Variants in CAD observed in about 807,000 individuals in gnomAD.
The protein encoded by CAD is multifunctional protein CAD.
Under a neutral mutation model 237.2 loss-of-function variants are expected in CAD, and 81 were observed. That is an observed-to-expected ratio of 0.34 (90% CI 0.29 to 0.41). The LOEUF is 0.41. Among genes scored for constraint, CAD ranks in the 10% least tolerant of loss-of-function variants. The pLI is 1.00. For missense variants in CAD, 2,181 were observed against 2,951.7 expected, an observed-to-expected ratio of 0.74 and a Z score of 6.05; for synonymous variants, 1,196 against 1,162.8, an observed-to-expected ratio of 1.03 and a Z score of -0.58.
At position 27,242,152 on chromosome 2, in the gene CAD, G is replaced by A; in HGVS notation, c.6096+29G>A. The A allele has an allele frequency of 6.2e-7, 1 of 1,607,716 alleles. No individual in the cohort carries two copies. The highest frequency in any genetic ancestry group is 8.5e-7 in the Non-Finnish European group (1 of 1,176,634). ...AGGCCAGCCTGGGTACTGAGATGGG[G>A]TTAAGAAGGCTGGACCCAGGGGCAT... On this transcript the variant is annotated intron_variant, in intron 39 of 43. Transcript: ENST00000264705. This position sits in a 1 kb window ranked among gnomAD's most constrained non-coding sequence, Gnocchi z 6.4.
At chr2:27,234,744 CCA>C in intron 23 of CAD, 59 bp downstream of exon 23, 1 of 1,506,704 alleles carries the variant, frequency 6.6e-7, no homozygotes, top group Non-Finnish European at 9.1e-7. Flanking sequence ...AGTTCACTCA[CCA>C]CACAGAGTTG....
rs1036585323 is a variant in CAD, at chr2:27,238,511, T to C, written c.4941T>C (p.His1647=). 1 of 1,613,522 alleles carries C rather than the reference T, an allele frequency of 6.2e-7. No homozygotes were observed. Among genetic ancestry groups the C allele is most frequent in the Admixed American group, 1.7e-5 (1 of 59,892 alleles). The change falls in exon 31 of 44, where the codon CAT becomes CAC. Residue 1647 remains histidine, a synonymous_variant. Transcript: ENST00000264705. ...CTCCCCACCACCTGTTCCTAAGCCATGATGACCTGGAGCGCCTGGGGCCTG... is the reference window on the plus strand; with the variant it reads ...CTCCCCACCACCTGTTCCTAAGCCACGATGACCTGGAGCGCCTGGGGCCTG... The part of the protein sequence containing the change: ...EVAPHHLFLS[H]DDLERLGPGK...
intron 6 of CAD, 128 bp from the exon 7 acceptor site, chr2:27,223,430 CAAAAA>C (rs71834349): frequency 9.6e-6 from 6 of 622,808 alleles, no homozygotes; most frequent in African/African-American, 2.3e-5. Context: ...GACTCCGTCT[CAAAAA>C]AAAAAAAAAA....
rs747514563 is a variant in CAD at position 27,236,463 on chromosome 2, G to A, written c.4254G>A (p.Leu1418=). 12 of 1,613,958 alleles carry A rather than the reference G, an allele frequency of 7.4e-6. No individual in the cohort carries two copies. The highest frequency in any genetic ancestry group is 1.0e-5 in the Non-Finnish European group (12 of 1,180,042). The part of the protein sequence containing the change: ...FVTKGYRTRR[L]AADFSVPLII... ...CCAAGGGCTACCGCACCCGACGCTT[G>A]GCCGCTGACTTCTCCGTGCCCCTAA... is the stretch of plus-strand genomic sequence containing the variant. The change falls in exon 26 of 44, where the codon TTG becomes TTA. Residue 1418 remains leucine (L), a synonymous_variant. Coordinates refer to ENST00000264705, the MANE Select transcript of CAD (RefSeq NM_004341.5). The surrounding 1 kb of genome is among the most constrained non-coding windows in gnomAD (Gnocchi z 4.1).
chr2:27,225,463 T>G (rs1675398429), intron 11 of CAD, among the ~76,000 whole-genome samples: 1 of 152,074 alleles, frequency 6.6e-6, no homozygotes, highest in Non-Finnish European at 1.5e-5. Context: ...TGCGCCACCA[T>G]GCCCAGCTAA....
At position 27,217,935 on chromosome 2, in the gene CAD, A is replaced by G. The variant is rs202038323; in HGVS notation, c.141A>G (p.Ala47=). 46 of 1,613,420 alleles carry G rather than the reference A, an allele frequency of 2.9e-5. No homozygotes were observed. The Admixed American group carries it at 5.8e-4, about 20-fold the overall frequency. ...CCCTCACTGATCCCTCCTACAAGGC[A>G]CAGATCTTAGTGCTCACCTATCCTC... ...PEALTDPSYK[A]QILVLTYPLI... Residue 47 remains alanine, a synonymous_variant, in exon 2 of 44, where the codon GCA becomes GCG. Coordinates refer to ENST00000264705, the MANE Select transcript of CAD (RefSeq NM_004341.5).
In CAD at chr2:27,233,947, T is replaced by C; in HGVS notation, c.3400-61T>C. The stretch of plus-strand genomic sequence containing the variant: ...TGGGGCTCGTTAAAGGAAGAGACAA[T>C]CCTAGAGTAAGTGAGAGAAGAAAGT... On this transcript the variant is annotated intron_variant, in intron 21 of 43. Transcript: ENST00000264705. This position sits in a 1 kb window ranked among gnomAD's most constrained non-coding sequence, Gnocchi z 6.3. The C allele has an allele frequency of 6.4e-7, 1 of 1,561,214 alleles. No homozygotes were observed. Among genetic ancestry groups the C allele is most frequent in the Non-Finnish European group, 8.8e-7 (1 of 1,138,826 alleles).
At chr2:27,226,427 A>C in intron 13 of CAD, 98 bp from the exon 14 acceptor site, 1 of 1,549,254 alleles carries the variant, frequency 6.5e-7, no homozygotes, top group Non-Finnish European at 8.8e-7. Flanking sequence ...CTGGAGTACA[A>C]GCTGGAATCT....
At position 27,238,527 on chromosome 2, in the gene CAD, C is replaced by G; in HGVS notation, c.4957C>G (p.Leu1653Val). The change falls in exon 31 of 44, where the codon CTG (leucine) becomes GTG (valine). Residue 1653 changes from leucine to valine, a missense_variant. Physicochemically the swap from Leu to Val is conservative, Grantham distance 32. This residue lies in a region of CAD where 478 missense variants were observed against 515.0 expected (regional missense o/e 0.93). Coordinates refer to ENST00000264705, the MANE Select transcript of CAD (RefSeq NM_004341.5). ...LFLSHDDLERLGPGKGEVRPE... is the reference protein window; with the variant it reads ...LFLSHDDLERVGPGKGEVRPE... ...CCTAAGCCATGATGACCTGGAGCGC[C>G]TGGGGCCTGGGAAGGGGGAGGTCCG... 6.2e-7 allele frequency: 1 copy of G among 1,614,028 alleles called. No homozygotes were observed. Among genetic ancestry groups the G allele is most frequent in the Non-Finnish European group, 8.5e-7 (1 of 1,179,958 alleles).
Position 27,232,959 on chromosome 2 carries a change from G to A in CAD, c.2893-83G>A. 6 of 964,754 alleles carry A rather than the reference G, an allele frequency of 6.2e-6. No homozygotes were observed. The South Asian group carries it at 6.6e-5, about 11-fold the overall frequency. 59.8% of individuals were successfully genotyped at this position (964,754 alleles called of 1,614,324 possible). Reference sequence around the variant, plus strand: ...CTGTGCTGGCAGTCTCTGAAGTAGGGGCTTTGGCTTAGTTTCTCCACGATT... The same window carrying A: ...CTGTGCTGGCAGTCTCTGAAGTAGGAGCTTTGGCTTAGTTTCTCCACGATT... On this transcript the variant is annotated intron_variant, in intron 18 of 43. Transcript: ENST00000264705. The surrounding 1 kb of genome is among the most constrained non-coding windows in gnomAD (Gnocchi z 4.1).
chr2:27,234,271 T>C (rs749664092), intron 22 of CAD, 45 bp downstream of exon 22: 8 of 1,542,878 alleles, frequency 5.2e-6, no homozygotes, highest in African/African-American at 1.4e-5. Context: ...AGCTCTTGCA[T>C]GTTCTGTGCT....
chr2:27,226,375 A>G, intron 13 of CAD, 56 bp downstream of exon 13: 1 of 1,583,940 alleles, frequency 6.3e-7, no homozygotes, highest in Admixed American at 1.7e-5. Context: ...TTCTTGTATA[A>G]TTTTTGGCCC....
rs142425046 is a variant in CAD at position 27,223,607 on chromosome 2, C to G, written c.854C>G (p.Ser285Cys). The stretch of plus-strand genomic sequence containing the variant: ...AACCAGCCCTGCTTGTTGGTGGGCT[C>G]TGGGCGCTGCTTTCTGACATCCCAG... ...GHNQPCLLVG[S>C]GRCFLTSQNH... is the part of the protein sequence containing the mutation. The change falls in exon 7 of 44, where the codon TCT becomes TGT. Residue 285 changes from serine to cysteine, a missense_variant. Physicochemically the swap from Ser to Cys is moderately radical, Grantham distance 112. This residue lies in a region of CAD where 129 missense variants were observed against 143.3 expected (regional missense o/e 0.90). Transcript: ENST00000264705. 8 of 1,613,540 alleles carry G rather than the reference C, an allele frequency of 5.0e-6. No homozygotes were observed. Among genetic ancestry groups the G allele is most frequent in the Non-Finnish European group, 6.8e-6 (8 of 1,180,038 alleles).
intron 30 of CAD, 54 bp from the exon 31 acceptor site, chr2:27,238,377 G>A (rs999268059): frequency 2.0e-4 from 304 of 1,509,554 alleles, no homozygotes; most frequent in Admixed American, 2.8e-4. Context: ...GGGACTTTGT[G>A]TAGGGCAAGG....
chr2:27,218,919 A>G (rs60815225), intron 2 of CAD, among the ~76,000 whole-genome samples: 9,605 of 152,240 alleles, frequency 0.063, 394 homozygotes, highest in African/African-American at 0.11. Context: ...GCTCCGGATA[A>G]AGGACGTACA....
Position 27,235,685 on chromosome 2 carries a change from G to A in CAD, c.4074+45G>A, listed in dbSNP as rs763781229. The A allele has an allele frequency of 1.6e-5, 25 of 1,537,004 alleles. No individual in the cohort carries two copies. In the East Asian group the frequency reaches 3.6e-4, roughly 22 times the overall value. ...CTACCCCACTGCTGCCCTTCCCCAA[G>A]GGGGTGAAAATACTGCACCAAAGAA... On this transcript the variant is annotated intron_variant, in intron 25 of 43. Coordinates refer to ENST00000264705, the MANE Select transcript of CAD (RefSeq NM_004341.5). This position sits in a 1 kb window ranked among gnomAD's most constrained non-coding sequence, Gnocchi z 5.2.
chr2:27,236,151 C>T lies in CAD; in HGVS notation c.4075-133C>T, dbSNP rs978685014. 1.8e-6 allele frequency: 2 copies of T among 1,135,810 alleles called. No individual in the cohort carries two copies. The highest frequency in any genetic ancestry group is 3.1e-5 in the African/African-American group (2 of 64,184). 70.4% of individuals were successfully genotyped at this position (1,135,810 alleles called of 1,614,324 possible). On this transcript the variant is annotated intron_variant, in intron 25 of 43. Coordinates refer to ENST00000264705, the MANE Select transcript of CAD (RefSeq NM_004341.5). This position sits in a 1 kb window ranked among gnomAD's most constrained non-coding sequence, Gnocchi z 4.1. ...ACACTTTGCCAGTATCAAATAGAGG[C>T]AGCCCTCAGTGCCCACCCTATGGGT...
chr2:27,243,614 C>T lies in CAD; in HGVS notation c.*96C>T. On this transcript the variant is annotated 3_prime_UTR_variant, in exon 44 of 44. Transcript: ENST00000264705. ...GGCAGCACACTTAGATATTCCTGGA[C>T]ATCCAGATAGCTCACATGTGCTGAC... is the stretch of plus-strand genomic sequence containing the variant. The T allele has an allele frequency of 1.1e-6, 1 of 935,646 alleles. No individual in the cohort carries two copies. The highest frequency in any genetic ancestry group is 1.7e-6 in the Non-Finnish European group (1 of 604,228). The allele number at this position is 935,646 out of a possible 1,614,324, so 58.0% of individuals were successfully genotyped here.
intron 2 of CAD, 141 bp from the exon 3 acceptor site, chr2:27,221,077 C>T (rs1218095197): frequency 1.5e-5 from 8 of 524,734 alleles, no homozygotes; most frequent in Non-Finnish European, 2.2e-5. Flanking sequence ...AATGGAAATA[C>T]CTATGCAAAA....
Sources: gnomAD v4.1 joint callset for allele counts (sites outside exome capture counted in the v4.1 genomes callset) on GRCh38, gnomAD v4.1.1 for gene constraint, gnomAD v4.1.1 regional missense constraint, Gnocchi (gnomAD v3.1) non-coding constraint, MANE v1.5 for transcripts, NCBI Gene and HGNC (gene_info 2026-07-23, HGNC 2026-07-21) for gene names.